Variants in FGD5 observed in about 807,000 individuals in gnomAD.
The protein encoded by FGD5 is FYVE, RhoGEF and PH domain-containing protein 5.
In FGD5, 28 loss-of-function variants were observed where a neutral mutation model predicts 133.4. That is an observed-to-expected ratio of 0.21 (90% confidence interval 0.16 to 0.29). The LOEUF (loss-of-function observed/expected upper bound fraction) is 0.29. Ranked by LOEUF, FGD5 falls within the 10% of genes least tolerant of loss-of-function variation. The pLI, the probability that FGD5 is intolerant of heterozygous loss-of-function variation, is 1.00. For missense variants in FGD5, 1,858 were observed against 1,895.2 expected, an observed-to-expected ratio of 0.98 and a Z score of 0.36; for synonymous variants, 810 against 776.5, an observed-to-expected ratio of 1.04 and a Z score of -0.72.
intron 18 of FGD5, 148 bp from the exon 19 acceptor site, chr3:14,932,429 G>C (rs2038914674): frequency 1.2e-6 from 1 of 851,376 alleles, no homozygotes; most frequent in Non-Finnish European, 1.8e-6. Flanking sequence ...GGGGAAGCGA[G>C]GGTCAACAGT....
chr3:14,832,472 C>G (rs1185585760), intron 1 of FGD5, among the ~76,000 whole-genome samples: 2 of 152,168 alleles, frequency 1.3e-5, no homozygotes, highest in Non-Finnish European at 2.9e-5. Flanking sequence ...GAATTTTAAC[C>G]CAGGCAGTTT....
At chr3:14,822,704 T>C (rs1354663801) in intron 1 of FGD5, among the ~76,000 whole-genome samples, 1 of 152,190 alleles carries the variant, frequency 6.6e-6, no homozygotes, top group African/African-American at 2.4e-5. Context: ...TCCTCATTGT[T>C]TGGGGGCACC....
At chr3:14,883,619 A>G (rs1232069221) in intron 4 of FGD5, among the ~76,000 whole-genome samples, 3 of 152,246 alleles carry the variant, frequency 2.0e-5, no homozygotes, top group South Asian at 2.1e-4. Context: ...CATTCTGGAA[A>G]CATCACAGGA....
In FGD5 at chr3:14,869,148, T is replaced by TCTGGGTGTGGTGGCA. The variant is rs1397304158; in HGVS notation, c.2658+4890_2658+4904dup. The stretch of plus-strand genomic sequence containing the variant: ...TCTCTACTAAAAATACAAAAAATTA[T>TCTGGGTGTGGTGGCA]CTGGGTGTGGTGGCACGTGCCTGTA... On this transcript the variant is annotated intron_variant, in intron 2 of 19. Coordinates refer to ENST00000285046, the MANE Select transcript of FGD5 (RefSeq NM_152536.4). Among the ~76,000 whole-genome samples, 97 of 152,092 alleles carry TCTGGGTGTGGTGGCA rather than the reference T, an allele frequency of 6.4e-4. 1 individual carries two copies. In the South Asian group the frequency reaches 9.8e-3, roughly 15 times the overall value.
chr3:14,872,902 G>A (rs1602297), intron 2 of FGD5, among the ~76,000 whole-genome samples: 21,899 of 152,188 alleles, frequency 0.14, 1,904 homozygotes, highest in East Asian at 0.39. Context: ...CAATTGTTTC[G>A]ACATTGCTTA....
Position 14,820,282 on chromosome 3 carries a change from C to T in FGD5, c.1211C>T (p.Ala404Val), listed in dbSNP as rs749435304. 33 of 1,603,800 alleles carry T rather than the reference C, an allele frequency of 2.1e-5. No individual in the cohort carries two copies. The highest frequency in any genetic ancestry group is 4.5e-5 in the East Asian group (2 of 44,816). The change falls in exon 1 of 20, where the codon GCG becomes GTG. Residue 404 changes from alanine (A) to valine (V), a missense_variant. Transcript: ENST00000285046. ...CGQCGSLQGG[A>V]AEGPAAPDVV... The stretch of plus-strand genomic sequence containing the variant: ...CAGTGTGGCTCCCTACAGGGTGGAG[C>T]GGCCGAGGGTCCCGCAGCCCCTGAT...
At chr3:14,884,927 G>T (rs980822035) in intron 4 of FGD5, among the ~76,000 whole-genome samples, 1 of 151,964 alleles carries the variant, frequency 6.6e-6, no homozygotes, top group Non-Finnish European at 1.5e-5. Flanking sequence ...ACTCCCTGGC[G>T]CCGAGGTTAT....
rs1302283781 is a variant in FGD5, at chr3:14,901,026, G to T, written c.3229G>T (p.Val1077Phe). The change falls in exon 9 of 20, where the codon GTC (valine) becomes TTC (phenylalanine). Residue 1077 changes from valine (V) to phenylalanine (F), a missense_variant. Val to Phe is a conservative substitution (Grantham distance 50). Transcript: ENST00000285046. ...AGGTGCACTGAGCCTCATCTCCAAA[G>T]TCACAGACCGTGCCAACGACAGCAT... is the stretch of plus-strand genomic sequence containing the variant. ...TQGALSLISK[V>F]TDRANDSMEQ... is the part of the protein sequence containing the mutation. 1 of 1,613,902 alleles carries T rather than the reference G, an allele frequency of 6.2e-7. No homozygotes were observed. Among genetic ancestry groups the T allele is most frequent in the African/African-American group, 1.3e-5 (1 of 74,934 alleles).
At chr3:14,883,597 G>A (rs2037870603) in intron 4 of FGD5, among the ~76,000 whole-genome samples, 1 of 152,130 alleles carries the variant, frequency 6.6e-6, no homozygotes, top group Non-Finnish European at 1.5e-5. Flanking sequence ...CTATCCATCT[G>A]AATTGACCAT....
chr3:14,885,017 C>T (rs530415166), intron 4 of FGD5, among the ~76,000 whole-genome samples: 1 of 151,768 alleles, frequency 6.6e-6, no homozygotes, highest in Non-Finnish European at 1.5e-5. Flanking sequence ...CCTCCCTCCT[C>T]ACTATCTCTT....
At position 14,886,797 on chromosome 3, in the gene FGD5, C is replaced by T. The variant is rs371434583; in HGVS notation, c.2748+6025C>T. Among the ~76,000 whole-genome samples, 8 of 152,368 alleles carry T rather than the reference C, an allele frequency of 5.3e-5. 1 individual carries two copies. In the South Asian group the frequency reaches 1.7e-3, roughly 32 times the overall value. ...TCTTTGACCCATGGATTATTTAAAA[C>T]TGCGTCGTGTAACTTCCAAGTATTT... On this transcript the variant is annotated intron_variant, in intron 4 of 19. Coordinates refer to ENST00000285046, the MANE Select transcript of FGD5 (RefSeq NM_152536.4).
At chr3:14,880,880 C>A in intron 4 of FGD5, 108 bp downstream of exon 4, 1 of 1,425,334 alleles carries the variant, frequency 7.0e-7, no homozygotes, top group Non-Finnish European at 9.7e-7. Context: ...TTAACAGAGG[C>A]CTGGCAGCAG....
chr3:14,910,484 T>A (rs969830738), intron 10 of FGD5, among the ~76,000 whole-genome samples: 1 of 152,198 alleles, frequency 6.6e-6, no homozygotes, highest in African/African-American at 2.4e-5. Context: ...TGAGCTCAAG[T>A]GATCCTTTCA....
upstream of FGD5, chr3:14,818,947 G>T: frequency 6.9e-7 from 1 of 1,439,122 alleles, no homozygotes. Flanking sequence ...CTCTATTTTT[G>T]TCATCTAGAT....
chr3:14,813,501 G>A (rs952050250), intron 1 of FGD5, among the ~76,000 whole-genome samples: 5 of 152,230 alleles, frequency 3.3e-5, no homozygotes, highest in Non-Finnish European at 7.3e-5. Context: ...AATTACTCTT[G>A]TAACATATGG....
At chr3:14,932,830 A>G (rs2038922089) in intron 19 of FGD5, 99 bp downstream of exon 19, 1 of 1,395,058 alleles carries the variant, frequency 7.2e-7, no homozygotes, top group African/African-American at 1.4e-5. Context: ...CATTCATCCT[A>G]TCCCATTAGG....
rs371613501 is a variant in FGD5 at position 14,829,158 on chromosome 3, C to T, written c.2525+7562C>T. 1.2e-4 allele frequency among the ~76,000 whole-genome samples: 18 copies of T among 152,168 alleles called. No individual in the cohort carries two copies. The East Asian group carries it at 1.7e-3, about 15-fold the overall frequency. On this transcript the variant is annotated intron_variant, in intron 1 of 19. Transcript: ENST00000285046. ...ACAGTCCAGGAAGAGAAAAAGCCTG[C>T]GCTTGAGTCTGGAGAGTCGAAAGGA... is the stretch of plus-strand genomic sequence containing the variant.
At chr3:14,912,256 G>A (rs1050241256) in intron 11 of FGD5, among the ~76,000 whole-genome samples, 11 of 152,158 alleles carry the variant, frequency 7.2e-5, no homozygotes, top group African/African-American at 1.9e-4. Flanking sequence ...GCTGGGCCCC[G>A]ATGGCTGGTG....
rs765918412 is a variant in FGD5, at chr3:14,923,147, G to A, written c.3909G>A (p.Arg1303=). 13 of 1,613,588 alleles carry A rather than the reference G, an allele frequency of 8.1e-6. No homozygotes were observed. The highest frequency in any genetic ancestry group is 1.3e-5 in the African/African-American group (1 of 74,840). ...GCTGCTTCGGGGAGCTGAAGAAGCG[G>A]GGCAGGGCTGTCCCGGGCCTGATGA... ...CDGCFGELKK[R]GRAVPGLMRE... The change falls in exon 16 of 20, where the codon CGG becomes CGA. Residue 1303 remains arginine (R), a synonymous_variant. Transcript: ENST00000285046.
Sources: allele counts gnomAD v4.1 joint callset (sites outside exome capture counted in the v4.1 genomes callset), GRCh38; gene constraint gnomAD v4.1.1; transcripts MANE v1.5; gene names NCBI Gene and HGNC (gene_info 2026-07-23, HGNC 2026-07-21).